Variants in CLSTN1 observed in about 807,000 individuals in gnomAD.
CLSTN1 encodes calsyntenin-1.
Under a neutral mutation model 108.3 loss-of-function variants are expected in CLSTN1, and 28 were observed. The ratio of observed to expected loss-of-function variants is 0.26; its 90% CI spans 0.19 to 0.35. CLSTN1 has a LOEUF of 0.35. Among genes scored for constraint, CLSTN1 ranks in the 10% least tolerant of loss-of-function variants. The pLI is 1.00. For synonymous variants in CLSTN1, 524 were observed against 534.9 expected (o/e 0.98, Z 0.28); for missense variants, 1,157 against 1,302.6 (o/e 0.89, Z 1.72).
intron 1 of CLSTN1, among the ~76,000 whole-genome samples, chr1:9,792,426 C>G (rs577541301): frequency 4.6e-5 from 7 of 151,556 alleles, no homozygotes; most frequent in African/African-American, 1.7e-4. Flanking sequence ...GCAGCAAAGG[C>G]TTTAGCACAA....
Position 9,731,409 on chromosome 1 carries a change from G to A in CLSTN1, c.2564-19C>T. On this transcript the variant is annotated intron_variant, in intron 17 of 18. Transcript: ENST00000377298. ...GGGACGACTGTGGGAGAATGAGGGGGCGGGATGCGAGGTCACTCGGCCCAG... is the reference window on the plus strand; with the variant it reads ...GGGACGACTGTGGGAGAATGAGGGGACGGGATGCGAGGTCACTCGGCCCAG... 6.2e-7 allele frequency: 1 copy of A among 1,611,484 alleles called. No individual in the cohort carries two copies. The highest frequency in any genetic ancestry group is 8.5e-7 in the Non-Finnish European group (1 of 1,177,936).
chr1:9,736,359 A>G (rs1421141102), intron 11 of CLSTN1, among the ~76,000 whole-genome samples: 2 of 152,152 alleles, frequency 1.3e-5, no homozygotes, highest in African/African-American at 4.8e-5. Context: ...ACCAGGGTGC[A>G]TGGTGACACT....
rs752606599 is a variant in CLSTN1 at position 9,755,216 on chromosome 1, T to C, written c.338A>G (p.Lys113Arg). The change falls in exon 4 of 19, where the codon AAA (lysine) becomes AGA (arginine). Residue 113 changes from lysine (K) to arginine (R), a missense_variant. Coordinates refer to ENST00000377298, the MANE Select transcript of CLSTN1 (RefSeq NM_001009566.3). ...KSTGEGVIRS[K>R]EKLDCELQKD... ...CTGCAGCTCACAGTCCAGTTTCTCT[T>C]TGGAGCGAATGACTCCCTCACCAGT... 12 of 1,614,026 alleles carry C rather than the reference T, an allele frequency of 7.4e-6. No homozygotes were observed. The highest frequency in any genetic ancestry group is 9.3e-6 in the Non-Finnish European group (11 of 1,180,020).
At chr1:9,802,877 T>C (rs1360321433) in intron 1 of CLSTN1, among the ~76,000 whole-genome samples, 2 of 145,528 alleles carry the variant, frequency 1.4e-5, no homozygotes, top group Non-Finnish European at 3.0e-5. Context: ...CAGGCTGGAG[T>C]GCAGTGACAC....
chr1:9,807,428 G>A lies in CLSTN1; in HGVS notation c.91+16215C>T, dbSNP rs1404118810. On this transcript the variant is annotated intron_variant, in intron 1 of 18. Coordinates refer to ENST00000377298, the MANE Select transcript of CLSTN1 (RefSeq NM_001009566.3). ...TGATACATCCCACTGGAATAGCTGG[G>A]AGTTACATCAAATACATTTTTTACA... Among the ~76,000 whole-genome samples, 4 of 152,182 alleles carry A rather than the reference G, an allele frequency of 2.6e-5. No homozygotes were observed. In the South Asian group the frequency reaches 8.3e-4, roughly 31 times the overall value.
chr1:9,758,011 G>T (rs187238433), intron 2 of CLSTN1, among the ~76,000 whole-genome samples: 142 of 151,890 alleles, frequency 9.3e-4, no homozygotes, highest in African/African-American at 3.2e-3. Context: ...TTTTGGGGGG[G>T]GGTGGGAACG....
At chr1:9,735,711 C>A (rs1291817325) in intron 12 of CLSTN1, 96 bp from the exon 13 acceptor site, 3 of 1,539,302 alleles carry the variant, frequency 1.9e-6, no homozygotes, top group Admixed American at 1.9e-5. Flanking sequence ...GGCCTGGGTT[C>A]GATTTGAATT....
rs199996642 is a variant in CLSTN1 at position 9,730,595 on chromosome 1, G to T, written c.2859C>A (p.Ser953Arg). 31 of 1,609,716 alleles carry T rather than the reference G, an allele frequency of 1.9e-5. No individual in the cohort carries two copies. The highest frequency in any genetic ancestry group is 1.7e-4 in the Admixed American group (10 of 59,970). ...CGCCCTGCTCCCCCTCCTCCTCCTC[G>T]CTGCTCTCCGACTCGGCGCTGGTGA... ...DDITSAESES[S>R]EEEEGEQGDP... Residue 953 changes from serine (S) to arginine (R), a missense_variant, in exon 19 of 19, where the codon AGC (serine) becomes AGA (arginine). Physicochemically the swap from Ser to Arg is moderately radical, Grantham distance 110. Transcript: ENST00000377298. The surrounding 1 kb of genome is among the most constrained non-coding windows in gnomAD (Gnocchi z 5.6).
chr1:9,740,993 A>G (rs1570440155), intron 10 of CLSTN1, 101 bp downstream of exon 10: 2 of 1,288,554 alleles, frequency 1.6e-6, no homozygotes, highest in Middle Eastern at 2.8e-4. Context: ...CCAGGACACG[A>G]GGGTAAGGCT....
At chr1:9,778,813 G>A (rs1038578407) in intron 1 of CLSTN1, among the ~76,000 whole-genome samples, 1 of 151,644 alleles carries the variant, frequency 6.6e-6, no homozygotes, top group African/African-American at 2.4e-5. Context: ...TCAGGAGTTC[G>A]AGACCAGCCT....
At chr1:9,755,629 G>C (rs1360414683) in intron 3 of CLSTN1, among the ~76,000 whole-genome samples, 4 of 152,140 alleles carry the variant, frequency 2.6e-5, no homozygotes, top group Non-Finnish European at 5.9e-5. Flanking sequence ...AGGGTAAAAG[G>C]AGTCTCATTA....
chr1:9,743,007 T>A (rs1651056873), intron 9 of CLSTN1, among the ~76,000 whole-genome samples: 1 of 152,220 alleles, frequency 6.6e-6, no homozygotes, highest in Non-Finnish European at 1.5e-5. Flanking sequence ...TTTACTTTTA[T>A]CTATCCTATG....
At chr1:9,793,975 G>C (rs1490745947) in intron 1 of CLSTN1, among the ~76,000 whole-genome samples, 1 of 151,316 alleles carries the variant, frequency 6.6e-6, no homozygotes. Context: ...ATTCGCATTG[G>C]GTTAGAACTC....
rs964185769 is a variant in CLSTN1, at chr1:9,734,536, T to G, written c.2111-394A>C. Among the ~76,000 whole-genome samples, 1 of 150,520 alleles carries G rather than the reference T, an allele frequency of 6.6e-6. No individual in the cohort carries two copies. Among genetic ancestry groups the G allele is most frequent in the Non-Finnish European group, 1.5e-5 (1 of 67,774 alleles). On this transcript the variant is annotated intron_variant, in intron 14 of 18. Transcript: ENST00000377298. This position sits in a 1 kb window ranked among gnomAD's most constrained non-coding sequence, Gnocchi z 4.8. Reference sequence around the variant, plus strand: ...GCTGCAGTTAGCCAAGATGACACCATTGCACTCCAGCCTGGGCGACAGAGT... The same window carrying G: ...GCTGCAGTTAGCCAAGATGACACCAGTGCACTCCAGCCTGGGCGACAGAGT...
intron 2 of CLSTN1, among the ~76,000 whole-genome samples, chr1:9,766,260 G>T (rs1371466468): frequency 1.3e-5 from 2 of 152,130 alleles, no homozygotes; most frequent in African/African-American, 4.8e-5. Flanking sequence ...ACAAGAAGAG[G>T]AGGCACGGCT....
chr1:9,778,742 C>T lies in CLSTN1; in HGVS notation c.92-5348G>A, dbSNP rs148409244. ...TAAGAAGAGAATAAGGGGCCGGATGCGGTGGCTCACGCCTGTAATCTTAGC... is the reference window on the plus strand; with the variant it reads ...TAAGAAGAGAATAAGGGGCCGGATGTGGTGGCTCACGCCTGTAATCTTAGC... On this transcript the variant is annotated intron_variant, in intron 1 of 18. Transcript: ENST00000377298. Among the ~76,000 whole-genome samples, 656 of 152,094 alleles carry T rather than the reference C, an allele frequency of 4.3e-3. 11 individuals carry two copies. Among genetic ancestry groups the T allele is most frequent in the East Asian group, 0.042 (219 of 5,176 alleles).
rs534769824 is a variant in CLSTN1, at chr1:9,753,223, G to A, written c.441-1542C>T. 2.4e-4 allele frequency among the ~76,000 whole-genome samples: 36 copies of A among 152,328 alleles called. 1 individual carries two copies. The highest frequency in any genetic ancestry group is 3.4e-3 in the Middle Eastern group (1 of 294). On this transcript the variant is annotated intron_variant, in intron 4 of 18. Coordinates refer to ENST00000377298, the MANE Select transcript of CLSTN1 (RefSeq NM_001009566.3). The stretch of plus-strand genomic sequence containing the variant: ...CACAACAGGGTTCGCGCTCCTGTGA[G>A]AATCTGATACCGCTGCTGATGTGAC...
At chr1:9,782,487 G>A (rs950951184) in intron 1 of CLSTN1, among the ~76,000 whole-genome samples, 8 of 152,146 alleles carry the variant, frequency 5.3e-5, no homozygotes, top group Non-Finnish European at 1.0e-4. Context: ...TTAAAACTAT[G>A]CAAAAGCAAA....
chr1:9,738,011 G>A (rs373341651), intron 10 of CLSTN1, among the ~76,000 whole-genome samples: 5 of 152,282 alleles, frequency 3.3e-5, no homozygotes, highest in African/African-American at 1.2e-4. Flanking sequence ...TAGCACACAC[G>A]TGTCCCAAGC....
Sources: gnomAD v4.1 joint callset for allele counts (sites outside exome capture counted in the v4.1 genomes callset) on GRCh38, gnomAD v4.1.1 for gene constraint, Gnocchi (gnomAD v3.1) non-coding constraint, MANE v1.5 for transcripts, NCBI Gene and HGNC (gene_info 2026-07-23, HGNC 2026-07-21) for gene names.